The following SORBS2 variants were observed in gnomAD, a reference collection of about 807,000 sequenced individuals.
The protein encoded by SORBS2 is sorbin and SH3 domain-containing protein 2.
A neutral mutation model predicts 97.7 loss-of-function variants in SORBS2; 46 were observed. The observed-to-expected ratio is 0.47, with a 90% confidence interval of 0.37 to 0.60. SORBS2 has a LOEUF of 0.60. Among genes scored for constraint, SORBS2 ranks in the 20% least tolerant of loss-of-function variants. The probability of loss-of-function intolerance (pLI) is 0.00; values close to 1 mark genes in which losing one functional copy is unlikely to be tolerated. For missense variants in SORBS2, 1,316 were observed against 1,282.3 expected, an observed-to-expected ratio of 1.03 and a Z score of -0.40; for synonymous variants, 476 against 473.4, an observed-to-expected ratio of 1.01 and a Z score of -0.07.
chr4:185,625,143 G>A (rs756418223), intron 6 of SORBS2, among the ~76,000 whole-genome samples: 4 of 152,136 alleles, frequency 2.6e-5, no homozygotes, highest in Non-Finnish European at 5.9e-5. Context: ...TTAAACAAAC[G>A]AATTTACCTC....
At chr4:185,644,490 C>T (rs921010846) in intron 4 of SORBS2, among the ~76,000 whole-genome samples, 7 of 152,186 alleles carry the variant, frequency 4.6e-5, no homozygotes, top group Non-Finnish European at 2.9e-5. Context: ...AATGTGTTTC[C>T]TGCTCAGCCA....
chr4:185,766,379 T>C (rs556279467), intron 2 of SORBS2, among the ~76,000 whole-genome samples: 1 of 152,336 alleles, frequency 6.6e-6, no homozygotes, highest in African/African-American at 2.4e-5. Context: ...TAGTCTCCCA[T>C]TCTTAACCAT....
chr4:185,667,935 T>C (rs2097645312), intron 4 of SORBS2, among the ~76,000 whole-genome samples: 1 of 152,076 alleles, frequency 6.6e-6, no homozygotes, highest in African/African-American at 2.4e-5. Flanking sequence ...CTGAATGTAA[T>C]TCAGTATAAA....
At chr4:185,786,699 C>A (rs553333354) in intron 1 of SORBS2, among the ~76,000 whole-genome samples, 2 of 152,188 alleles carry the variant, frequency 1.3e-5, no homozygotes, top group Non-Finnish European at 2.9e-5. Context: ...TCGTGGCTCA[C>A]GCCTGTAATC....
intron 1 of SORBS2, among the ~76,000 whole-genome samples, chr4:185,847,825 G>C (rs2099215433): frequency 6.6e-6 from 1 of 152,142 alleles, no homozygotes; most frequent in South Asian, 2.1e-4. Flanking sequence ...GTAGAAACTG[G>C]CTTCATCGGC....
chr4:185,678,813 G>C (rs2097832501), exon 3 of SORBS2: 1 of 1,460,034 alleles, frequency 6.8e-7, no homozygotes, highest in Non-Finnish European at 9.1e-7. Context: ...TGGTGACTGA[G>C]AATCACGCCC....
intron 11 of SORBS2, chr4:185,614,479 C>A: frequency 5.2e-6 from 1 of 191,974 alleles, no homozygotes; most frequent in Non-Finnish European, 1.1e-5. Context: ...TTTTAAAAGA[C>A]TGAAAAATAA....
intron 2 of SORBS2, among the ~76,000 whole-genome samples, chr4:185,768,446 T>C (rs1412978106): frequency 1.3e-5 from 2 of 152,086 alleles, no homozygotes; most frequent in South Asian, 2.1e-4. Context: ...AATCCCAGCA[T>C]CTTGGAAGGC....
chr4:185,606,665 A>G lies in SORBS2; in HGVS notation c.2796+5115T>C. 1 of 985,118 alleles carries G rather than the reference A, an allele frequency of 1.0e-6. No individual in the cohort carries two copies. Among genetic ancestry groups the G allele is most frequent in the East Asian group, 1.1e-4 (1 of 8,792 alleles). The allele number at this position is 985,118 out of a possible 1,614,324, so 61.0% of individuals were successfully genotyped here. On this transcript the variant is annotated intron_variant, in intron 12 of 14. Coordinates refer to ENST00000418609, the Ensembl canonical transcript of SORBS2. This position sits in a 1 kb window ranked among gnomAD's most constrained non-coding sequence, Gnocchi z 4.3. ...GGGGTGGCTATGGGGTGTTTTAGGCAGTTGGGTTTCTCCTCCTCCTCCTCC... is the reference window on the plus strand; with the variant it reads ...GGGGTGGCTATGGGGTGTTTTAGGCGGTTGGGTTTCTCCTCCTCCTCCTCC...
At chr4:185,709,121 G>T (rs1434884899) in intron 2 of SORBS2, among the ~76,000 whole-genome samples, 1 of 152,048 alleles carries the variant, frequency 6.6e-6, no homozygotes, top group Non-Finnish European at 1.5e-5. Context: ...GGGTTCAAGC[G>T]ATTCTCCCTG....
chr4:185,741,161 G>A (rs970887186), intron 2 of SORBS2, among the ~76,000 whole-genome samples: 5 of 151,992 alleles, frequency 3.3e-5, no homozygotes, highest in African/African-American at 1.2e-4. Context: ...ATATGACTCT[G>A]TCTATGAACA....
intron 2 of SORBS2, among the ~76,000 whole-genome samples, chr4:185,651,151 C>T (rs1004033230): frequency 2.0e-5 from 3 of 152,288 alleles, no homozygotes; most frequent in African/African-American, 7.2e-5. Context: ...CCCGAGGCAA[C>T]ACTCAGGAGA....
rs1200094039 is a variant in SORBS2 at position 185,694,706 on chromosome 4, C to CTTTTTTTTTTTTTTTTTTTTTTT, written c.-197-15885_-197-15884insAAAAAAAAAAAAAAAAAAAAAAA. On this transcript the variant is annotated intron_variant, in intron 2 of 20. Transcript: ENST00000284776. ...TTTCTTTTTCTTTTTCCTTTTCTTT[C>CTTTTTTTTTTTTTTTTTTTTTTT]TTTTCTTTTCTTTTTTTTGAGACGG... 4.8e-5 allele frequency among the ~76,000 whole-genome samples: 6 copies of CTTTTTTTTTTTTTTTTTTTTTTT among 124,266 alleles called. 1 individual carries two copies. The highest frequency in any genetic ancestry group is 9.0e-5 in the Admixed American group (1 of 11,082). The allele number at this position is 124,266 out of a possible 152,430, so 81.5% of individuals were successfully genotyped here. A position where few individuals can be genotyped will look rare whatever the true frequency, so the allele number is the denominator to read the frequency against.
At position 185,840,007 on chromosome 4, in the gene SORBS2, G is replaced by T. The variant is rs528401764; in HGVS notation, c.-337-64641C>A. On this transcript the variant is annotated intron_variant, in intron 1 of 20. Transcript: ENST00000284776. ...CATGAGTCTTACCCTGTGGAAGAAA[G>T]AAGTGGAAAGAGAGGAGAGGAGCAT... 5.2e-3 allele frequency among the ~76,000 whole-genome samples: 712 copies of T among 137,802 alleles called. 2 individuals are homozygous for T. Among genetic ancestry groups the T allele is most frequent in the Middle Eastern group, 0.026 (7 of 272 alleles). 90.4% of individuals were successfully genotyped at this position (137,802 alleles called of 152,430 possible).
exon 7 of SORBS2, chr4:185,624,041 A>T: frequency 6.2e-7 from 1 of 1,614,114 alleles, no homozygotes; most frequent in Non-Finnish European, 8.5e-7. Flanking sequence ...CTTGCGGTTG[A>T]TGCGGTGCAT....
intron 1 of SORBS2, among the ~76,000 whole-genome samples, chr4:185,853,890 G>T (rs572805907): frequency 6.6e-6 from 1 of 152,200 alleles, no homozygotes; most frequent in East Asian, 1.9e-4. Flanking sequence ...TTTTGGTAAA[G>T]CTTTCAGTGA....
intron 1 of SORBS2, among the ~76,000 whole-genome samples, chr4:185,937,585 C>T (rs907901107): frequency 1.3e-5 from 2 of 152,108 alleles, no homozygotes; most frequent in Non-Finnish European, 2.9e-5. Flanking sequence ...TCCTCCTGCC[C>T]CAAAGTGATG....
At chr4:185,740,016 G>C (rs147889738) in intron 2 of SORBS2, 27 of 152,742 alleles carry the variant, frequency 1.8e-4, no homozygotes, top group East Asian at 3.9e-4. Flanking sequence ...GTGGAGCCGG[G>C]TCTCCCATGG....
At chr4:185,662,060 C>T (rs371720042) in intron 5 of SORBS2, 44 bp downstream of exon 8, 40 of 1,607,854 alleles carry the variant, frequency 2.5e-5, no homozygotes, top group Non-Finnish European at 3.0e-5. Context: ...TTGTACTTGC[C>T]GCATTGAGGT....
Sources: allele counts gnomAD v4.1 joint callset (sites outside exome capture counted in the v4.1 genomes callset), GRCh38; gene constraint gnomAD v4.1.1; non-coding constraint Gnocchi (gnomAD v3.1); transcripts MANE v1.5; gene names NCBI Gene and HGNC (gene_info 2026-07-23, HGNC 2026-07-21).